Variants in KCNIP4 observed in about 807,000 individuals in gnomAD.
KCNIP4 encodes the protein Kv channel-interacting protein 4.
KCNIP4 carries 12 observed loss-of-function variants against 34.0 expected under a neutral mutation model. The ratio of observed to expected loss-of-function variants is 0.35; its 90% CI spans 0.23 to 0.57. The LOEUF is 0.57. Among genes scored for constraint, KCNIP4 ranks in the 20% least tolerant of loss-of-function variants. The probability of loss-of-function intolerance (pLI) is 0.83; values close to 1 mark genes in which losing one functional copy is unlikely to be tolerated. For synonymous variants in KCNIP4, 124 were observed against 102.2 expected (o/e 1.21, Z -1.29); for missense variants, 238 against 311.7 (o/e 0.76, Z 1.78).
At chr4:21,643,904 A>ATAGT (rs1199050640) in intron 1 of KCNIP4, among the ~76,000 whole-genome samples, 1 of 142,774 alleles carries the variant, frequency 7.0e-6, no homozygotes, top group Non-Finnish European at 1.5e-5. Flanking sequence ...AGATAGATAG[A>ATAGT]TAGATAGATA....
rs149645326 is a variant in KCNIP4, at chr4:21,825,821, G to A, written c.61+122750C>T. On this transcript the variant is annotated intron_variant, in intron 1 of 8. Coordinates refer to ENST00000382152, the MANE Select transcript of KCNIP4 (RefSeq NM_025221.6). ...CATATTTTAGCAGGAAAAACAAGAC[G>A]GTTTCAGGTGTTTACAAGTTCTGTG... Among the ~76,000 whole-genome samples the A allele has an allele frequency of 4.6e-5, 7 of 152,158 alleles. No individual in the cohort carries two copies. The East Asian group carries it at 7.8e-4, about 17-fold the overall frequency.
At chr4:20,898,936 A>C (rs1397794277) in intron 1 of KCNIP4, among the ~76,000 whole-genome samples, 4 of 152,152 alleles carry the variant, frequency 2.6e-5, no homozygotes, top group African/African-American at 9.7e-5. Flanking sequence ...TCTATTTTAA[A>C]CTTGACCCAA....
At chr4:21,721,683 G>A (rs944391819) in intron 1 of KCNIP4, among the ~76,000 whole-genome samples, 9 of 152,072 alleles carry the variant, frequency 5.9e-5, no homozygotes, top group Non-Finnish European at 1.3e-4. Flanking sequence ...AACACTATTT[G>A]GTTTTCATAA....
chr4:21,576,877 A>G (rs565369908), intron 1 of KCNIP4, among the ~76,000 whole-genome samples: 1 of 152,146 alleles, frequency 6.6e-6, no homozygotes, highest in East Asian at 1.9e-4. Flanking sequence ...ATACTATTCT[A>G]TTTTATTTTT....
At chr4:21,617,641 A>G (rs907470569) in intron 1 of KCNIP4, among the ~76,000 whole-genome samples, 1 of 152,214 alleles carries the variant, frequency 6.6e-6, no homozygotes, top group African/African-American at 2.4e-5. Context: ...TCCTTAATCC[A>G]ATATTTATAT....
At chr4:21,492,444 G>A (rs932286781) in intron 1 of KCNIP4, among the ~76,000 whole-genome samples, 3 of 151,836 alleles carry the variant, frequency 2.0e-5, no homozygotes, top group Non-Finnish European at 4.4e-5. Context: ...GGCTGCTCTC[G>A]AACTCCTGGC....
chr4:21,198,891 C>T (rs954677960), intron 1 of KCNIP4, among the ~76,000 whole-genome samples: 17 of 152,100 alleles, frequency 1.1e-4, no homozygotes, highest in African/African-American at 3.4e-4. Context: ...ACTGACCTGG[C>T]GCTGTCCTTT....
chr4:20,927,395 T>C (rs1730012166), intron 1 of KCNIP4, among the ~76,000 whole-genome samples: 1 of 152,126 alleles, frequency 6.6e-6, no homozygotes, highest in Non-Finnish European at 1.5e-5. Flanking sequence ...AAGAAGTGTG[T>C]GGGAATAAAA....
chr4:20,824,755 TG>T (rs763406143), intron 3 of KCNIP4, among the ~76,000 whole-genome samples: 12 of 152,158 alleles, frequency 7.9e-5, no homozygotes, highest in Non-Finnish European at 1.6e-4. Context: ...ATAATGACTT[TG>T]GAGATAGAAT....
chr4:21,798,584 A>AAGAAAG (rs1553932826), intron 1 of KCNIP4, among the ~76,000 whole-genome samples: 17 of 142,540 alleles, frequency 1.2e-4, no homozygotes, highest in Admixed American at 5.5e-4. Flanking sequence ...GAAAGAAAGA[A>AAGAAAG]AGAGAAAAAA....
intron 1 of KCNIP4, among the ~76,000 whole-genome samples, chr4:21,593,979 C>T (rs138387509): frequency 1.3e-5 from 2 of 152,098 alleles, no homozygotes; most frequent in East Asian, 1.9e-4. Flanking sequence ...CACCTACCAG[C>T]CAACATAATT....
intron 1 of KCNIP4, among the ~76,000 whole-genome samples, chr4:20,945,974 A>G (rs1205846977): frequency 1.3e-5 from 2 of 152,194 alleles, no homozygotes; most frequent in South Asian, 2.1e-4. Flanking sequence ...AAGGACTGAG[A>G]GAAGAGAAAG....
At chr4:21,858,907 T>C (rs541107013) in intron 1 of KCNIP4, among the ~76,000 whole-genome samples, 2 of 152,326 alleles carry the variant, frequency 1.3e-5, no homozygotes, top group East Asian at 3.9e-4. Context: ...TTGTTTATAG[T>C]TCTTAGGCTC....
intron 1 of KCNIP4, among the ~76,000 whole-genome samples, chr4:21,900,492 A>G (rs1276124313): frequency 6.6e-6 from 1 of 152,168 alleles, no homozygotes; most frequent in Non-Finnish European, 1.5e-5. Flanking sequence ...AAAATGAGAA[A>G]GTAGTACCAA....
At chr4:21,416,304 G>T (rs1165645785) in intron 1 of KCNIP4, among the ~76,000 whole-genome samples, 1 of 152,160 alleles carries the variant, frequency 6.6e-6, no homozygotes, top group Non-Finnish European at 1.5e-5. Flanking sequence ...TTGGTAGAGG[G>T]ATTAGGAGGC....
intron 1 of KCNIP4, among the ~76,000 whole-genome samples, chr4:21,180,799 CA>C (rs955847772): frequency 6.6e-6 from 1 of 150,856 alleles, no homozygotes; most frequent in African/African-American, 2.4e-5. Context: ...TACATACAGA[CA>C]TATATATATA....
chr4:21,192,194 T>C (rs1363299328), intron 1 of KCNIP4, among the ~76,000 whole-genome samples: 1 of 152,210 alleles, frequency 6.6e-6, no homozygotes, highest in Non-Finnish European at 1.5e-5. Context: ...TATAGTTAAA[T>C]GGCTTCATCA....
chr4:21,745,402 G>A (rs1716703649), intron 1 of KCNIP4, among the ~76,000 whole-genome samples: 1 of 152,088 alleles, frequency 6.6e-6, no homozygotes, highest in African/African-American at 2.4e-5. Context: ...TAGAAGATTT[G>A]TTTTAAGTGA....
chr4:21,531,359 C>CCCTCCCGT (rs1237954369), intron 1 of KCNIP4, among the ~76,000 whole-genome samples: 1 of 125,732 alleles, frequency 8.0e-6, no homozygotes, highest in Non-Finnish European at 1.7e-5. Context: ...CTCCCTCCCT[C>CCCTCCCGT]CCTCCCTCCC....
Sources: gnomAD v4.1 joint callset for allele counts (sites outside exome capture counted in the v4.1 genomes callset) on GRCh38, gnomAD v4.1.1 for gene constraint, MANE v1.5 for transcripts, NCBI Gene and HGNC (gene_info 2026-07-23, HGNC 2026-07-21) for gene names.